TCAIM: variants seen among roughly 807,000 people sequenced by gnomAD.
The protein encoded by TCAIM is T-cell activation inhibitor, mitochondrial.
In TCAIM, 36 loss-of-function variants were observed where a neutral mutation model predicts 58.6. The observed-to-expected ratio is 0.61, with a 90% CI of 0.47 to 0.81. The LOEUF is 0.81. Ranked by LOEUF, TCAIM falls within the 30% of genes least tolerant of loss-of-function variation. The probability of loss-of-function intolerance (pLI) is 0.00; values close to 1 mark genes in which losing one functional copy is unlikely to be tolerated. For synonymous variants in TCAIM, 172 were observed against 193.6 expected (o/e 0.89, Z 0.93); for missense variants, 466 against 579.6 (o/e 0.80, Z 2.01).
At chr3:44,351,915 A>G (rs1701099259) in intron 1 of TCAIM, among the ~76,000 whole-genome samples, 1 of 152,084 alleles carries the variant, frequency 6.6e-6, no homozygotes, top group African/African-American at 2.4e-5. Context: ...TGTACTTTTA[A>G]AAAAGATAAT....
chr3:44,345,997 T>G (rs1700958025), intron 1 of TCAIM, among the ~76,000 whole-genome samples: 1 of 152,120 alleles, frequency 6.6e-6, no homozygotes, highest in African/African-American at 2.4e-5. Flanking sequence ...GGCTGGTGTC[T>G]GGAATGAGAC....
intron 3 of TCAIM, chr3:44,358,267 C>A: frequency 7.8e-7 from 1 of 1,284,462 alleles, no homozygotes; most frequent in Non-Finnish European, 1.1e-6. Flanking sequence ...CCTTATGATG[C>A]ATGCTGCTGG....
At chr3:44,348,451 T>A (rs1431107925) in intron 1 of TCAIM, among the ~76,000 whole-genome samples, 1 of 152,216 alleles carries the variant, frequency 6.6e-6, no homozygotes, top group Non-Finnish European at 1.5e-5. Flanking sequence ...AGGCATTCCT[T>A]GGCCCAGTGG....
At chr3:44,372,821 C>G (rs185515208) in intron 5 of TCAIM, among the ~76,000 whole-genome samples, 24 of 152,176 alleles carry the variant, frequency 1.6e-4, no homozygotes, top group African/African-American at 5.5e-4. Flanking sequence ...GTCTTGATCT[C>G]CTGACCTCAT....
At chr3:44,348,489 C>G (rs1701018835) in intron 1 of TCAIM, among the ~76,000 whole-genome samples, 1 of 152,168 alleles carries the variant, frequency 6.6e-6, no homozygotes, top group Non-Finnish European at 1.5e-5. Context: ...GAAGCAAGAT[C>G]CTGGGGGAGG....
At chr3:44,342,793 A>G (rs888358347) in intron 1 of TCAIM, among the ~76,000 whole-genome samples, 1 of 151,650 alleles carries the variant, frequency 6.6e-6, no homozygotes, top group Non-Finnish European at 1.5e-5. Context: ...AAGTGCATAT[A>G]TAAGTCTTTC....
intron 1 of TCAIM, among the ~76,000 whole-genome samples, chr3:44,347,626 C>T (rs1451386943): frequency 6.6e-6 from 1 of 152,164 alleles, no homozygotes; most frequent in African/African-American, 2.4e-5. Context: ...GGCACAGATC[C>T]TGAACTAACC....
rs183798654 is a variant in TCAIM at position 44,408,842 on chromosome 3, G to C, written c.*1160G>C. 1 of 152,284 alleles carries C rather than the reference G, an allele frequency of 6.6e-6. No homozygotes were observed. Among genetic ancestry groups the C allele is most frequent in the Non-Finnish European group, 1.5e-5 (1 of 68,016 alleles). The allele number at this position is 152,284 out of a possible 1,614,324, so 9.4% of individuals were successfully genotyped here. ...ATAGCAATAGAATTCAACCCCAAGT[G>C]GTTGATGGTGTCCCCAGCACAGCCG... On this transcript the variant is annotated 3_prime_UTR_variant, in exon 11 of 11. Coordinates refer to ENST00000342649, the MANE Select transcript of TCAIM (RefSeq NM_173826.4).
chr3:44,395,910 AGAG>A (rs1198463384), intron 6 of TCAIM, among the ~76,000 whole-genome samples: 5 of 152,180 alleles, frequency 3.3e-5, no homozygotes, highest in African/African-American at 1.2e-4. Flanking sequence ...TCTCTTGAGC[AGAG>A]GAGGTCAAGG....
At chr3:44,363,781 C>G (rs1290463791) in intron 4 of TCAIM, among the ~76,000 whole-genome samples, 2 of 152,056 alleles carry the variant, frequency 1.3e-5, no homozygotes, top group Non-Finnish European at 2.9e-5. Flanking sequence ...TGAATGATTT[C>G]TTAAACAAAA....
intron 10 of TCAIM, 73 bp from the exon 11 acceptor site, chr3:44,407,369 A>G (rs1575286043): frequency 8.3e-7 from 1 of 1,199,978 alleles, no homozygotes; most frequent in Non-Finnish European, 1.1e-6. Flanking sequence ...GAATATATTT[A>G]CATTGTGTGT....
At chr3:44,369,237 T>C (rs1337736566) in intron 5 of TCAIM, among the ~76,000 whole-genome samples, 1 of 152,214 alleles carries the variant, frequency 6.6e-6, no homozygotes, top group Non-Finnish European at 1.5e-5. Context: ...ATACAACTTC[T>C]GCTTACACCC....
At chr3:44,399,450 A>G (rs1205726273) in intron 8 of TCAIM, among the ~76,000 whole-genome samples, 2 of 152,182 alleles carry the variant, frequency 1.3e-5, no homozygotes, top group African/African-American at 4.8e-5. Flanking sequence ...AGAGTTTTTA[A>G]TGCCTTCCAA....
chr3:44,359,269 A>C (rs1701256853), intron 3 of TCAIM: 1 of 193,514 alleles, frequency 5.2e-6, no homozygotes, highest in African/African-American at 2.4e-5. Context: ...GGGTTAACTC[A>C]GCAAGCTTGG....
rs1701421848 is a variant in TCAIM, at chr3:44,368,928, C to T, written c.572+1220C>T. On this transcript the variant is annotated intron_variant, in intron 5 of 10. Transcript: ENST00000342649. ...GTTCTAGCTACTTGGAAGGCTAAGG[C>T]AGGAAGATCCCTTGAGCACAGGAGT... Among the ~76,000 whole-genome samples the T allele has an allele frequency of 3.3e-5, 5 of 152,228 alleles. No homozygotes were observed. The South Asian group carries it at 1.0e-3, about 32-fold the overall frequency.
chr3:44,377,375 CAA>C (rs1701582555), intron 5 of TCAIM, among the ~76,000 whole-genome samples: 1 of 152,034 alleles, frequency 6.6e-6, no homozygotes, highest in African/African-American at 2.4e-5. Flanking sequence ...ATATATGAAG[CAA>C]AAGTGGACTG....
chr3:44,353,867 T>A (rs951828663), intron 1 of TCAIM, among the ~76,000 whole-genome samples: 1 of 152,184 alleles, frequency 6.6e-6, no homozygotes, highest in African/African-American at 2.4e-5. Flanking sequence ...TTTCTCCAGG[T>A]GTGTGGCTTT....
chr3:44,384,233 C>A (rs1457587556), intron 5 of TCAIM, among the ~76,000 whole-genome samples: 1 of 152,144 alleles, frequency 6.6e-6, no homozygotes, highest in Non-Finnish European at 1.5e-5. Context: ...AGTAATGATC[C>A]TTTTAAAATC....
intron 10 of TCAIM, among the ~76,000 whole-genome samples, chr3:44,401,629 T>C (rs1418086000): frequency 6.6e-6 from 1 of 152,228 alleles, no homozygotes; most frequent in Non-Finnish European, 1.5e-5. Context: ...AAATATTGGT[T>C]ATTTCTTGAT....
Sources: gnomAD v4.1 joint callset for allele counts (sites outside exome capture counted in the v4.1 genomes callset) on GRCh38, gnomAD v4.1.1 for gene constraint, MANE v1.5 for transcripts, NCBI Gene and HGNC (gene_info 2026-07-23, HGNC 2026-07-21) for gene names.